ZEB1: variants seen among roughly 807,000 people sequenced by gnomAD.
The protein encoded by ZEB1 is zinc finger E-box-binding homeobox 1.
In ZEB1, 21 loss-of-function variants were observed where a neutral mutation model predicts 84.9. The observed-to-expected ratio is 0.25, with a 90% CI of 0.18 to 0.36. The LOEUF is 0.36. Ranked by LOEUF, ZEB1 falls within the 10% of genes least tolerant of loss-of-function variation. The pLI is 1.00. For synonymous variants in ZEB1, 420 were observed against 471.1 expected (o/e 0.89, Z 1.41); for missense variants, 1,104 against 1,330.2 (o/e 0.83, Z 2.65).
At chr10:31,429,293 G>A (rs903771912) in intron 1 of ZEB1, among the ~76,000 whole-genome samples, 2 of 152,110 alleles carry the variant, frequency 1.3e-5, no homozygotes, top group African/African-American at 4.8e-5. Flanking sequence ...TGTCTGAAAA[G>A]GATCTTGTTT....
At chr10:31,495,703 A>G in intron 2 of ZEB1, 73 bp from the exon 3 acceptor site, 8 of 1,555,214 alleles carry the variant, frequency 5.1e-6, no homozygotes, top group South Asian at 3.3e-5. Flanking sequence ...GGGATATCCA[A>G]AACTTTAAAC....
intron 1 of ZEB1, among the ~76,000 whole-genome samples, chr10:31,344,831 G>C (rs967637165): frequency 2.6e-5 from 4 of 152,096 alleles, no homozygotes; most frequent in African/African-American, 9.7e-5. Flanking sequence ...TCCTGGAATA[G>C]TTGAGAACTA....
intron 1 of ZEB1, among the ~76,000 whole-genome samples, chr10:31,413,009 A>G (rs2054583910): frequency 6.6e-6 from 1 of 152,228 alleles, no homozygotes; most frequent in Non-Finnish European, 1.5e-5. Flanking sequence ...TAAATGCCAT[A>G]GAATCGATGG....
At chr10:31,373,378 T>C (rs1284866681) in intron 1 of ZEB1, among the ~76,000 whole-genome samples, 1 of 151,922 alleles carries the variant, frequency 6.6e-6, no homozygotes, top group Non-Finnish European at 1.5e-5. Flanking sequence ...TACTTAATGT[T>C]GATAAATAGT....
At chr10:31,352,891 G>A (rs2041539955) in intron 1 of ZEB1, among the ~76,000 whole-genome samples, 1 of 152,204 alleles carries the variant, frequency 6.6e-6, no homozygotes, top group Admixed American at 6.5e-5. Flanking sequence ...TGTTAAAGAT[G>A]GAGTAGCAAG....
chr10:31,332,878 G>A (rs551082889), intron 1 of ZEB1, among the ~76,000 whole-genome samples: 1 of 152,104 alleles, frequency 6.6e-6, no homozygotes, highest in African/African-American at 2.4e-5. Flanking sequence ...TTATTATATA[G>A]CGTATTTTTT....
intron 1 of ZEB1, among the ~76,000 whole-genome samples, chr10:31,386,398 T>G (rs1227679299): frequency 6.6e-6 from 1 of 151,856 alleles, no homozygotes; most frequent in East Asian, 1.9e-4. Context: ...ATATAACATA[T>G]TTTCAAACTC....
intron 8 of ZEB1, among the ~76,000 whole-genome samples, chr10:31,525,633 C>T (rs2073289154): frequency 6.6e-6 from 1 of 152,168 alleles, no homozygotes; most frequent in Non-Finnish European, 1.5e-5. Context: ...CTACAGTATC[C>T]ATATTTATCT....
intron 2 of ZEB1, among the ~76,000 whole-genome samples, chr10:31,472,561 A>T (rs371592206): frequency 0.037 from 5,213 of 142,612 alleles, 282 homozygotes; most frequent in African/African-American, 0.11. Flanking sequence ...TTGTGGCAAT[A>T]ATCAATAGTT....
intron 2 of ZEB1, among the ~76,000 whole-genome samples, chr10:31,474,290 A>G (rs1388230508): frequency 6.6e-6 from 1 of 151,770 alleles, no homozygotes; most frequent in Non-Finnish European, 1.5e-5. Flanking sequence ...AAAATGGGAG[A>G]AAATTTTTGC....
chr10:31,416,591 A>G (rs941750540), intron 1 of ZEB1, among the ~76,000 whole-genome samples: 4 of 152,142 alleles, frequency 2.6e-5, no homozygotes, highest in East Asian at 1.9e-4. Context: ...CATTCTTCCT[A>G]TTAGATATTG....
chr10:31,504,158 G>GTTTCA (rs1455838249), intron 4 of ZEB1, among the ~76,000 whole-genome samples: 6 of 151,980 alleles, frequency 3.9e-5, no homozygotes, highest in Non-Finnish European at 8.8e-5. Flanking sequence ...TAGGAGTCCA[G>GTTTCA]TTTCATTCTT....
chr10:31,470,900 G>T (rs1273918539), intron 2 of ZEB1, among the ~76,000 whole-genome samples: 6 of 138,812 alleles, frequency 4.3e-5, no homozygotes, highest in African/African-American at 1.6e-4. Context: ...GAGAGTGGGG[G>T]CCAATATTCA....
chr10:31,334,647 G>A (rs2037613861), intron 1 of ZEB1, among the ~76,000 whole-genome samples: 1 of 152,044 alleles, frequency 6.6e-6, no homozygotes, highest in Non-Finnish European at 1.5e-5. Context: ...TAGATTATTT[G>A]AGAAGAGTAA....
At chr10:31,326,891 T>C (rs369700607) in intron 1 of ZEB1, among the ~76,000 whole-genome samples, 5 of 152,154 alleles carry the variant, frequency 3.3e-5, no homozygotes, top group Admixed American at 2.6e-4. Context: ...TCCTCTCATT[T>C]GGATTATACT....
At chr10:31,443,826 G>A (rs1349319943) in intron 1 of ZEB1, among the ~76,000 whole-genome samples, 1 of 150,882 alleles carries the variant, frequency 6.6e-6, no homozygotes, top group African/African-American at 2.5e-5. Context: ...TGGACATTTG[G>A]GTTGGCTCCA....
At chr10:31,328,451 A>G (rs2036062848) in intron 1 of ZEB1, among the ~76,000 whole-genome samples, 1 of 152,184 alleles carries the variant, frequency 6.6e-6, no homozygotes, top group African/African-American at 2.4e-5. Flanking sequence ...TTAAAATTTT[A>G]CTTATTTATT....
At chr10:31,334,056 C>A (rs2037435665) in intron 1 of ZEB1, among the ~76,000 whole-genome samples, 1 of 151,670 alleles carries the variant, frequency 6.6e-6, no homozygotes, top group African/African-American at 2.4e-5. Flanking sequence ...ACTAGGACTG[C>A]AGAAGAAATA....
intron 2 of ZEB1, among the ~76,000 whole-genome samples, chr10:31,473,105 C>G (rs1480972534): frequency 5.3e-5 from 8 of 149,738 alleles, no homozygotes; most frequent in Admixed American, 2.6e-4. Flanking sequence ...CAATATCATA[C>G]TGAATGGGCA....
Sources: gnomAD v4.1 joint callset for allele counts (sites outside exome capture counted in the v4.1 genomes callset) on GRCh38, gnomAD v4.1.1 for gene constraint, MANE v1.5 for transcripts, NCBI Gene and HGNC (gene_info 2026-07-23, HGNC 2026-07-21) for gene names.